Variants in INSL6 observed in about 807,000 individuals in gnomAD.
INSL6 encodes the protein insulin-like peptide INSL6.
Under a neutral mutation model 9.4 loss-of-function variants are expected in INSL6, and 16 were observed. The ratio of observed to expected loss-of-function variants is 1.70; its 90% CI spans 1.15 to 2.59. INSL6 has a LOEUF of 2.59. Among genes scored for constraint, INSL6 ranks in the 30% most tolerant of loss-of-function variants. The pLI is 0.00. For synonymous variants in INSL6, 154 were observed against 96.9 expected (o/e 1.59, Z -3.46); for missense variants, 391 against 257.3 (o/e 1.52, Z -3.56).
chr9:5,064,843 T>C, the INSL6 span: 8 of 1,436,832 alleles, frequency 5.6e-6, no homozygotes, highest in Non-Finnish European at 7.4e-6. Context: ...TGGAGTTGAC[T>C]TTCTAAAAGG....
the INSL6 span, among the ~76,000 whole-genome samples, chr9:5,083,286 A>G: frequency 1.3e-5 from 2 of 152,222 alleles, no homozygotes; most frequent in African/African-American, 4.8e-5. Context: ...AACGTCACAC[A>G]GTCATGTATA....
At chr9:5,037,986 A>T in the INSL6 span, among the ~76,000 whole-genome samples, 1 of 152,230 alleles carries the variant, frequency 6.6e-6, no homozygotes, top group African/African-American at 2.4e-5. Context: ...ACATGAATAT[A>T]TAGCGTCACT....
Position 5,126,355 on chromosome 9 carries a change from A to G in INSL6, c.*11-1844T>C, listed in dbSNP as rs1282036214. 5.0e-6 allele frequency: 8 copies of G among 1,608,260 alleles called. No homozygotes were observed. In the African/African-American group the frequency reaches 5.4e-5, roughly 11 times the overall value. On this transcript the variant is annotated intron_variant, in intron 3 of 3. Coordinates refer to the INSL6 transcript ENST00000649639. The stretch of plus-strand genomic sequence containing the variant: ...TAGGAATTTATGCGTATGATTGGCA[A>G]TGACAAACAAGGACAGATGATCGTG...
the INSL6 span, among the ~76,000 whole-genome samples, chr9:5,117,020 G>A: frequency 6.6e-6 from 1 of 152,182 alleles, no homozygotes; most frequent in African/African-American, 2.4e-5. Context: ...GCCCTTATAA[G>A]AGGCTTCATG....
the INSL6 span, among the ~76,000 whole-genome samples, chr9:5,056,354 G>T: frequency 6.6e-6 from 1 of 151,934 alleles, no homozygotes; most frequent in Non-Finnish European, 1.5e-5. Flanking sequence ...TTGCTCTTAA[G>T]TTTCTCATTT....
At chr9:5,043,053 C>A in the INSL6 span, among the ~76,000 whole-genome samples, 1 of 152,186 alleles carries the variant, frequency 6.6e-6, no homozygotes, top group Admixed American at 6.5e-5. Flanking sequence ...CGCGCGGGCT[C>A]GTGGCTTCCT....
At chr9:5,050,580 C>T in the INSL6 span, 5 of 1,202,456 alleles carry the variant, frequency 4.2e-6, no homozygotes, top group South Asian at 7.4e-5. Flanking sequence ...CAATTTGTAT[C>T]TTGTAAATGC....
chr9:5,128,481 T>C (rs1824146736), intron 3 of INSL6, among the ~76,000 whole-genome samples: 1 of 151,882 alleles, frequency 6.6e-6, no homozygotes, highest in Non-Finnish European at 1.5e-5. Flanking sequence ...AAAAATAGCC[T>C]ATCATACAAT....
chr9:5,183,078 A>T (rs1046779400), intron 1 of INSL6, among the ~76,000 whole-genome samples: 4 of 152,228 alleles, frequency 2.6e-5, no homozygotes, highest in Admixed American at 2.0e-4. Flanking sequence ...ATAAAAAGTA[A>T]TCAACTTTCC....
At chr9:5,141,719 T>C (rs1824505461) in intron 2 of INSL6, among the ~76,000 whole-genome samples, 2 of 152,356 alleles carry the variant, frequency 1.3e-5, no homozygotes, top group South Asian at 4.1e-4. Flanking sequence ...GCTCTTTAGT[T>C]TAATTAGATC....
the INSL6 span, among the ~76,000 whole-genome samples, chr9:5,047,976 T>G: frequency 7.2e-5 from 11 of 152,204 alleles, no homozygotes; most frequent in Middle Eastern, 3.2e-3. Context: ...TAGTATTTAT[T>G]ATGTTTTGGC....
At chr9:5,126,461 T>G in intron 3 of INSL6, 1 of 1,530,974 alleles carries the variant, frequency 6.5e-7, no homozygotes, top group Middle Eastern at 1.7e-4. Flanking sequence ...CAATTTTTTT[T>G]TAATCCAGGG....
At chr9:5,144,332 T>A (rs1344680949) in intron 2 of INSL6, among the ~76,000 whole-genome samples, 1 of 152,216 alleles carries the variant, frequency 6.6e-6, no homozygotes, top group African/African-American at 2.4e-5. Context: ...TTCTTAGTAG[T>A]GATTTCGAAT....
At chr9:5,099,761 C>T in the INSL6 span, 2 of 152,156 alleles carry the variant, frequency 1.3e-5, no homozygotes, top group Non-Finnish European at 2.9e-5. Flanking sequence ...CAAACCTGAT[C>T]CCTTATAATA....
rs56332998 is a variant in INSL6, at chr9:5,149,351, G to A, written c.376+14828C>T. Reference sequence around the variant, plus strand: ...GAAGATCTGTTCAAATTTTGTTGGTGTAGTCTCTGTGTAAATGACTTTTCA... The same window carrying A: ...GAAGATCTGTTCAAATTTTGTTGGTATAGTCTCTGTGTAAATGACTTTTCA... On this transcript the variant is annotated intron_variant, in intron 2 of 3. Transcript: ENST00000649639. 2.6e-3 allele frequency among the ~76,000 whole-genome samples: 396 copies of A among 152,218 alleles called. 4 individuals are homozygous for A. Among genetic ancestry groups the A allele is most frequent in the African/African-American group, 9.1e-3 (376 of 41,542 alleles).
chr9:5,074,879 T>C, the INSL6 span, among the ~76,000 whole-genome samples: 5 of 152,302 alleles, frequency 3.3e-5, no homozygotes, highest in African/African-American at 1.2e-4. Flanking sequence ...AGCTGAAAGC[T>C]AGGCCTCTTG....
At chr9:5,036,301 C>T in the INSL6 span, among the ~76,000 whole-genome samples, 2 of 152,196 alleles carry the variant, frequency 1.3e-5, no homozygotes, top group Admixed American at 6.5e-5. Flanking sequence ...GCCATACTGC[C>T]CAAAGTCCTT....
the INSL6 span, among the ~76,000 whole-genome samples, chr9:5,015,563 C>G: frequency 1.4e-5 from 2 of 145,742 alleles, no homozygotes; most frequent in African/African-American, 5.1e-5. Context: ...GAGACAAGGT[C>G]TCACTTTGTT....
intron 1 of INSL6, among the ~76,000 whole-genome samples, chr9:5,173,565 C>T (rs540354011): frequency 6.6e-6 from 1 of 151,956 alleles, no homozygotes; most frequent in South Asian, 2.1e-4. Flanking sequence ...ACAATGAGAT[C>T]ACGTGAACAT....
Sources: allele counts gnomAD v4.1 joint callset (sites outside exome capture counted in the v4.1 genomes callset), GRCh38; gene constraint gnomAD v4.1.1; transcripts MANE v1.5; gene names NCBI Gene and HGNC (gene_info 2026-07-23, HGNC 2026-07-21).